MCOLN2: variants seen among roughly 807,000 people sequenced by gnomAD.
The protein encoded by MCOLN2 is mucolipin-2.
A neutral mutation model predicts 67.5 loss-of-function variants in MCOLN2; 57 were observed. The observed-to-expected ratio is 0.84, with a 90% CI of 0.68 to 1.05. The LOEUF (loss-of-function observed/expected upper bound fraction) is 1.05. Ranked by LOEUF, MCOLN2 falls within the 50% of genes least tolerant of loss-of-function variation. The pLI is 0.00. For synonymous variants in MCOLN2, 246 were observed against 233.3 expected (o/e 1.05, Z -0.50); for missense variants, 620 against 678.8 (o/e 0.91, Z 0.96).
chr1:84,934,300 C>A (rs941770462), intron 11 of MCOLN2, among the ~76,000 whole-genome samples: 1 of 152,062 alleles, frequency 6.6e-6, no homozygotes, highest in African/African-American at 2.4e-5. Flanking sequence ...ATATTTAATA[C>A]GTATTAAATG....
chr1:84,987,545 GAT>G (rs1650638915), intron 1 of MCOLN2, among the ~76,000 whole-genome samples: 2 of 15,446 alleles, frequency 1.3e-4, no homozygotes, highest in African/African-American at 4.6e-4. Flanking sequence ...TGTATACATA[GAT>G]GTATACATCT....
Position 84,938,097 on chromosome 1 carries a change from AAAAG to A in MCOLN2, c.1111-19_1111-16del, listed in dbSNP as rs752267595. On this transcript the variant is annotated splice_polypyrimidine_tract_variant and intron_variant, in intron 9 of 13. Coordinates refer to ENST00000370608, the MANE Select transcript of MCOLN2 (RefSeq NM_153259.4). Reference sequence around the variant, plus strand: ...TTTGTGAGATTCTAAGGAATGAAAAAAAAGAAAGAGAGAAATGAGTAAAATATTT... The same window carrying A: ...TTTGTGAGATTCTAAGGAATGAAAAAAAAGAGAGAAATGAGTAAAATATTT... The A allele has an allele frequency of 1.3e-4, 209 of 1,576,686 alleles. 1 individual carries two copies. The African/African-American group carries it at 2.5e-3, about 19-fold the overall frequency.
chr1:84,987,148 GGATA>G (rs1363122012), intron 1 of MCOLN2, among the ~76,000 whole-genome samples: 7 of 150,426 alleles, frequency 4.7e-5, no homozygotes, highest in East Asian at 1.9e-4. Context: ...ATCAATGAAT[GGATA>G]AAGAAAAGGT....
In MCOLN2 at chr1:84,965,081, G is replaced by A. The variant is rs796952331; in HGVS notation, c.237+468C>T. Reference sequence around the variant, plus strand: ...ATGGTAATAAAGAGCTCAATAATACGAACTTGAACAAAAGGTCTAAATGTA... The same window carrying A: ...ATGGTAATAAAGAGCTCAATAATACAAACTTGAACAAAAGGTCTAAATGTA... On this transcript the variant is annotated intron_variant, in intron 2 of 13. Transcript: ENST00000370608. Among the ~76,000 whole-genome samples the A allele has an allele frequency of 9.2e-5, 14 of 152,232 alleles. 1 individual carries two copies. The highest frequency in any genetic ancestry group is 2.2e-4 in the African/African-American group (9 of 41,532).
rs1648905254 is a variant in MCOLN2, at chr1:84,958,492, T to C, written c.411+37A>G. On this transcript the variant is annotated intron_variant, in intron 3 of 13. Transcript: ENST00000370608. Reference sequence around the variant, plus strand: ...TAAGACAAGGCCAAGTATCAATACATTGTTAAAGTATAGGTCATTCACAAC... The same window carrying C: ...TAAGACAAGGCCAAGTATCAATACACTGTTAAAGTATAGGTCATTCACAAC... 2.6e-6 allele frequency: 4 copies of C among 1,521,050 alleles called. No individual in the cohort carries two copies. The East Asian group carries it at 7.3e-5, about 28-fold the overall frequency. The allele number at this position is 1,521,050 out of a possible 1,614,324, so 94.2% of individuals were successfully genotyped here.
At chr1:84,987,631 T>TATATGTATATAGAAATATATACATAC (rs1553159005) in intron 1 of MCOLN2, among the ~76,000 whole-genome samples, 12 of 112,180 alleles carry the variant, frequency 1.1e-4, no homozygotes, top group Admixed American at 1.0e-4. Context: ...TACATATGTA[T>TATATGTATATAGAAATATATACATAC]ATATGTATAT....
At chr1:84,987,494 G>GGTA (rs1650612012) in intron 1 of MCOLN2, among the ~76,000 whole-genome samples, 1 of 53,550 alleles carries the variant, frequency 1.9e-5, no homozygotes, top group African/African-American at 7.3e-5. Flanking sequence ...ATATACATAT[G>GGTA]TATACATAGA....
intron 6 of MCOLN2, among the ~76,000 whole-genome samples, chr1:84,951,307 G>A (rs2102833654): frequency 6.6e-6 from 1 of 152,278 alleles, no homozygotes; most frequent in African/African-American, 2.4e-5. Flanking sequence ...AATTGCTAAA[G>A]GACAGTATAT....
intron 1 of MCOLN2, among the ~76,000 whole-genome samples, chr1:84,984,449 C>T (rs1650405572): frequency 6.6e-6 from 1 of 152,194 alleles, no homozygotes; most frequent in South Asian, 2.1e-4. Context: ...AATCACTTTT[C>T]AAGGCCATAA....
intron 9 of MCOLN2, among the ~76,000 whole-genome samples, chr1:84,939,161 G>A (rs922555254): frequency 3.3e-5 from 5 of 152,118 alleles, no homozygotes; most frequent in Non-Finnish European, 7.4e-5. Context: ...AGGCTTTAGC[G>A]GGCAGTCTGA....
chr1:84,996,353 TCAAC>T (rs1011945877), intron 1 of MCOLN2, among the ~76,000 whole-genome samples: 9 of 139,050 alleles, frequency 6.5e-5, no homozygotes, highest in South Asian at 2.4e-4. Context: ...CAAGTACCGT[TCAAC>T]CAGAGACACA....
At chr1:84,945,720 A>T (rs1412937276) in intron 7 of MCOLN2, among the ~76,000 whole-genome samples, 1 of 151,970 alleles carries the variant, frequency 6.6e-6, no homozygotes, top group Admixed American at 6.6e-5. Flanking sequence ...GTAGCCCATG[A>T]TATTTTATTT....
At chr1:84,951,224 G>A (rs1212784646) in intron 6 of MCOLN2, among the ~76,000 whole-genome samples, 1 of 152,172 alleles carries the variant, frequency 6.6e-6, no homozygotes, top group Non-Finnish European at 1.5e-5. Context: ...TGCCTCTAGG[G>A]CATAGCAAAA....
At chr1:84,956,703 G>C in intron 3 of MCOLN2, 119 bp from the exon 4 acceptor site, 2 of 780,792 alleles carry the variant, frequency 2.6e-6, no homozygotes, top group East Asian at 2.9e-5. Context: ...GCTCTCAATA[G>C]AACTTCCCAA....
chr1:84,962,834 GA>G (rs1331834936), intron 2 of MCOLN2, among the ~76,000 whole-genome samples: 1 of 152,220 alleles, frequency 6.6e-6, no homozygotes, highest in African/African-American at 2.4e-5. Flanking sequence ...CTAGAGAGGT[GA>G]AATTTTCTTC....
chr1:84,940,828 A>G, intron 8 of MCOLN2, 51 bp downstream of exon 8: 1 of 1,316,996 alleles, frequency 7.6e-7, no homozygotes, highest in Non-Finnish European at 1.1e-6. Flanking sequence ...GCTTGGGCAA[A>G]CTGAGGGCGC....
intron 6 of MCOLN2, among the ~76,000 whole-genome samples, 197 bp from the exon 7 acceptor site, chr1:84,947,329 C>CACACACAT (rs1553154757): frequency 7.1e-6 from 1 of 140,064 alleles, no homozygotes; most frequent in African/African-American, 3.3e-5. Flanking sequence ...CACACACACA[C>CACACACAT]GGGACCAAAA....
chr1:84,935,767 C>T (rs550572289), intron 11 of MCOLN2, among the ~76,000 whole-genome samples: 1 of 152,188 alleles, frequency 6.6e-6, no homozygotes, highest in Admixed American at 6.5e-5. Context: ...TCAGAGCATC[C>T]CAGTTTCACC....
chr1:84,950,316 AAAAC>A (rs1452461046), intron 6 of MCOLN2, among the ~76,000 whole-genome samples: 1 of 152,252 alleles, frequency 6.6e-6, no homozygotes, highest in African/African-American at 2.4e-5. Flanking sequence ...ATCCTAGAGA[AAAAC>A]AGACAACCAG....
Sources: gnomAD v4.1 joint callset for allele counts (sites outside exome capture counted in the v4.1 genomes callset) on GRCh38, gnomAD v4.1.1 for gene constraint, MANE v1.5 for transcripts, NCBI Gene and HGNC (gene_info 2026-07-23, HGNC 2026-07-21) for gene names.